UGT1A8: variants seen among roughly 807,000 people sequenced by gnomAD.
UGT1A8 encodes UDP-glucuronosyltransferase 1A8.
A neutral mutation model predicts 45.3 loss-of-function variants in UGT1A8; 39 were observed. The observed-to-expected ratio is 0.86, with a 90% confidence interval of 0.67 to 1.12. The LOEUF (loss-of-function observed/expected upper bound fraction) is 1.12, where lower values mean the gene tolerates loss of function less well. UGT1A8 is among the 50% of genes most tolerant of loss of function. UGT1A8 has a pLI of 0.00. For synonymous variants in UGT1A8, 275 were observed against 249.2 expected, an observed-to-expected ratio of 1.10 and a Z score of -0.97; for missense variants, 719 against 664.9, an observed-to-expected ratio of 1.08 and a Z score of -0.90.
intron 1 of UGT1A8, among the ~76,000 whole-genome samples, chr2:233,738,198 C>T (rs981830187): frequency 3.3e-5 from 5 of 152,188 alleles, no homozygotes; most frequent in Admixed American, 3.3e-4. Context: ...GCCTCTCTCT[C>T]ACTTTCTGCC....
intron 1 of UGT1A8, among the ~76,000 whole-genome samples, chr2:233,628,585 A>G (rs1032475012): frequency 6.6e-6 from 1 of 151,942 alleles, no homozygotes; most frequent in African/African-American, 2.4e-5. Flanking sequence ...TTTCTTTACA[A>G]TCTGGACACT....
chr2:233,650,101 G>T (rs1399428482), intron 1 of UGT1A8, among the ~76,000 whole-genome samples: 5 of 152,120 alleles, frequency 3.3e-5, no homozygotes, highest in Admixed American at 1.3e-4. Flanking sequence ...CTCCTGAGTA[G>T]CTGGGATTAT....
At chr2:233,711,444 A>AG (rs2076181432) in intron 1 of UGT1A8, among the ~76,000 whole-genome samples, 2 of 152,198 alleles carry the variant, frequency 1.3e-5, no homozygotes, top group Admixed American at 1.3e-4. Context: ...TACAGTTTTA[A>AG]GGGGGTTGGA....
chr2:233,693,137 A>G, intron 1 of UGT1A8: 1 of 1,614,192 alleles, frequency 6.2e-7, no homozygotes, highest in Non-Finnish European at 8.5e-7. Flanking sequence ...TATGAAGGAT[A>G]TAGTTGAGGT....
chr2:233,668,507 A>T (rs1413217955), intron 1 of UGT1A8, among the ~76,000 whole-genome samples: 3 of 152,222 alleles, frequency 2.0e-5, no homozygotes. Context: ...ATAGTGCCCC[A>T]ATAAACATAC....
intron 1 of UGT1A8, chr2:233,754,789 A>G (rs1444380130): frequency 8.4e-7 from 1 of 1,196,426 alleles, no homozygotes; most frequent in African/African-American, 1.6e-5. Context: ...AAGGAACGAA[A>G]TCCTGTATCA....
intron 1 of UGT1A8, among the ~76,000 whole-genome samples, chr2:233,653,574 G>A (rs1364119470): frequency 6.6e-6 from 1 of 152,158 alleles, no homozygotes; most frequent in African/African-American, 2.4e-5. Context: ...GTTGCTTAAA[G>A]TGCCCAAGTC....
At position 233,693,901 on chromosome 2, in the gene UGT1A8, C is replaced by T. The variant is rs780268498; in HGVS notation, c.856-73133C>T. On this transcript the variant is annotated intron_variant, in intron 1 of 4. Transcript: ENST00000373450. ...TTATTTCTTTTGGACTGCCTTGTTT[C>T]TTCCAGGCTCTGTCCTCCCTCACTC... is the stretch of plus-strand genomic sequence containing the variant. The T allele has an allele frequency of 3.7e-6, 6 of 1,613,394 alleles. No homozygotes were observed. The South Asian group carries it at 5.5e-5, about 15-fold the overall frequency.
At chr2:233,762,292 A>G (rs1037418079) in intron 1 of UGT1A8, among the ~76,000 whole-genome samples, 1 of 152,236 alleles carries the variant, frequency 6.6e-6, no homozygotes, top group Non-Finnish European at 1.5e-5. Context: ...GAAAGGTGCC[A>G]ACCGAGGTCT....
chr2:233,629,598 C>A (rs1444844620), intron 1 of UGT1A8, among the ~76,000 whole-genome samples: 1 of 151,950 alleles, frequency 6.6e-6, no homozygotes, highest in East Asian at 1.9e-4. Context: ...CTTTTAATGT[C>A]TTTTTCTGGT....
At position 233,718,744 on chromosome 2, in the gene UGT1A8, G is replaced by A. The variant is rs545172755; in HGVS notation, c.856-48290G>A. 901 of 1,612,042 alleles carry A rather than the reference G, an allele frequency of 5.6e-4. 10 individuals carry two copies. The South Asian group carries it at 9.2e-3, about 16-fold the overall frequency. On this transcript the variant is annotated intron_variant, in intron 1 of 4. Transcript: ENST00000373450. ...GATTTGCTAGGTGGCTCAATGACAA[G>A]GTAATTAAGGCGAAGGAAACAAATG...
intron 1 of UGT1A8, among the ~76,000 whole-genome samples, chr2:233,652,318 A>G (rs2073761359): frequency 6.6e-6 from 1 of 152,250 alleles, no homozygotes; most frequent in African/African-American, 2.4e-5. Context: ...ACTACAGTGT[A>G]ATGAGCACCC....
At chr2:233,627,284 T>G (rs886655596) in intron 1 of UGT1A8, among the ~76,000 whole-genome samples, 1 of 152,014 alleles carries the variant, frequency 6.6e-6, no homozygotes, top group Non-Finnish European at 1.5e-5. Flanking sequence ...GGAACTCATT[T>G]GTCTCCTTTT....
chr2:233,766,201 G>C (rs544565545), intron 1 of UGT1A8, among the ~76,000 whole-genome samples: 1 of 152,254 alleles, frequency 6.6e-6, no homozygotes, highest in East Asian at 1.9e-4. Flanking sequence ...CTCAGCAGAT[G>C]GGGGAAGCCA....
chr2:233,637,975 T>C (rs1327297597), intron 1 of UGT1A8, among the ~76,000 whole-genome samples: 1 of 152,132 alleles, frequency 6.6e-6, no homozygotes, highest in Non-Finnish European at 1.5e-5. Flanking sequence ...TATTGATATA[T>C]ATATAGCCAT....
intron 1 of UGT1A8, among the ~76,000 whole-genome samples, chr2:233,641,048 T>C (rs550443751): frequency 2.6e-5 from 4 of 152,134 alleles, no homozygotes; most frequent in African/African-American, 9.7e-5. Context: ...ATGCAAGTTA[T>C]CTCACTGCAA....
chr2:233,719,420 C>A (rs755279919), intron 1 of UGT1A8: 9 of 1,613,938 alleles, frequency 5.6e-6, no homozygotes, highest in Non-Finnish European at 6.8e-6. Flanking sequence ...TACTAACGAC[C>A]AATTCAGACC....
chr2:233,688,503 T>G (rs1400244205), intron 1 of UGT1A8, among the ~76,000 whole-genome samples: 1 of 152,180 alleles, frequency 6.6e-6, no homozygotes, highest in Non-Finnish European at 1.5e-5. Context: ...GAATGTCACA[T>G]GCAGTGAAAT....
chr2:233,680,166 T>C (rs2074477315), intron 1 of UGT1A8, among the ~76,000 whole-genome samples: 1 of 152,232 alleles, frequency 6.6e-6, no homozygotes, highest in Non-Finnish European at 1.5e-5. Context: ...TCATGATTTT[T>C]CTTTGCTTCT....
Sources: gnomAD v4.1 joint callset for allele counts (sites outside exome capture counted in the v4.1 genomes callset) on GRCh38, gnomAD v4.1.1 for gene constraint, MANE v1.5 for transcripts, NCBI Gene and HGNC (gene_info 2026-07-23, HGNC 2026-07-21) for gene names.